TRPC3: variants seen among roughly 807,000 people sequenced by gnomAD.
The protein encoded by TRPC3 is short transient receptor potential channel 3.
Under a neutral mutation model 90.9 loss-of-function variants are expected in TRPC3, and 54 were observed. The ratio of observed to expected loss-of-function variants is 0.59; its 90% CI spans 0.48 to 0.75. The LOEUF is 0.75. Among genes scored for constraint, TRPC3 ranks in the 30% least tolerant of loss-of-function variants. The pLI, the probability that TRPC3 is intolerant of heterozygous loss-of-function variation, is 0.00. For missense variants in TRPC3, 918 were observed against 1,194.5 expected (o/e 0.77, Z 3.41); for synonymous variants, 424 against 450.9 (o/e 0.94, Z 0.75).
intron 11 of TRPC3, among the ~76,000 whole-genome samples, chr4:121,881,428 A>G (rs1483096110): frequency 2.0e-5 from 3 of 151,908 alleles, no homozygotes; most frequent in Non-Finnish European, 2.9e-5. Context: ...ACAACTCATC[A>G]GACTTCTGCT....
intron 2 of TRPC3, among the ~76,000 whole-genome samples, chr4:121,931,454 G>A (rs1729920939): frequency 2.0e-5 from 3 of 151,978 alleles, no homozygotes; most frequent in Non-Finnish European, 4.4e-5. Context: ...GGAGGAGGTA[G>A]CAACTGATTA....
At chr4:121,882,121 A>G (rs1727964842) in intron 11 of TRPC3, among the ~76,000 whole-genome samples, 1 of 152,166 alleles carries the variant, frequency 6.6e-6, no homozygotes, top group Non-Finnish European at 1.5e-5. Flanking sequence ...TTTACATTCT[A>G]AGAATCAGTT....
intron 2 of TRPC3, among the ~76,000 whole-genome samples, chr4:121,926,602 T>C (rs995626118): frequency 2.6e-5 from 4 of 152,104 alleles, no homozygotes; most frequent in Non-Finnish European, 5.9e-5. Flanking sequence ...AGATGGGGTT[T>C]CACCATATTG....
Position 121,874,829 on chromosome 4 carries a change from T to C in TRPC3, c.*4907A>G, listed in dbSNP as rs1248507393. Among the ~76,000 whole-genome samples, 1 of 152,022 alleles carries C rather than the reference T, an allele frequency of 6.6e-6. No individual in the cohort carries two copies. The highest frequency in any genetic ancestry group is 1.5e-5 in the Non-Finnish European group (1 of 67,998). On this transcript the variant is annotated 3_prime_UTR_variant, in exon 12 of 12. Transcript: ENST00000379645. ...AGAAGGAAACTGATCTCAAAAGGAA[T>C]AGAAGAAACCACAAAGGAAAAAAGC...
At chr4:121,948,364 G>GT (rs79971079) in intron 1 of TRPC3, among the ~76,000 whole-genome samples, 59 of 70,654 alleles carry the variant, frequency 8.4e-4, no homozygotes, top group South Asian at 4.8e-3. Flanking sequence ...ATTCTAGCTG[G>GT]TTTTTTTTTT....
chr4:121,917,803 G>C (rs1356513255), intron 3 of TRPC3, among the ~76,000 whole-genome samples: 1 of 152,130 alleles, frequency 6.6e-6, no homozygotes, highest in Non-Finnish European at 1.5e-5. Context: ...GTGCATTCAG[G>C]GTAAACTACA....
At chr4:121,905,780 G>A (rs1728859935) in intron 7 of TRPC3, among the ~76,000 whole-genome samples, 1 of 151,988 alleles carries the variant, frequency 6.6e-6, no homozygotes, top group South Asian at 2.1e-4. Flanking sequence ...CACCTATTAT[G>A]TTCCAGAAAT....
rs141053854 is a variant in TRPC3 at position 121,903,130 on chromosome 4, G to GT, written c.2254-70dup. The GT allele has an allele frequency of 2.3e-3, 3,152 of 1,392,920 alleles. 57 individuals carry two copies. The African/African-American group carries it at 0.041, about 18-fold the overall frequency. The allele number at this position is 1,392,920 out of a possible 1,614,324, so 86.3% of individuals were successfully genotyped here. A position where few individuals can be genotyped will look rare whatever the true frequency, so the allele number is the denominator to read the frequency against. ...ATATTCTAGTGACTGTTGCTAATAG[G>GT]TTTTTTACAATGAATCTAAGTTACG... On this transcript the variant is annotated intron_variant, in intron 8 of 11. Coordinates refer to ENST00000379645, the MANE Select transcript of TRPC3 (RefSeq NM_001130698.2).
Position 121,899,638 on chromosome 4 carries a change from T to C in TRPC3, c.2521A>G (p.Ile841Val), listed in dbSNP as rs1728636984. The change falls in exon 10 of 12, where the codon ATT becomes GTT. Residue 841 changes from isoleucine to valine, a missense_variant. By Grantham distance (29) the Ile-to-Val change is conservative (BLOSUM62 3). This residue lies in a region of TRPC3 where 121 missense variants were observed against 135.7 expected (regional missense o/e 0.89). Transcript: ENST00000379645. ...TGATAACGTGTTGGCTGATTGAGAATGCTGTTAAAACTGTGTGATTCAAAA... is the reference window on the plus strand; with the variant it reads ...TGATAACGTGTTGGCTGATTGAGAACGCTGTTAAAACTGTGTGATTCAAAA... ...RVFESHSFNS[I>V]LNQPTRYQQI... 6.2e-7 allele frequency: 1 copy of C among 1,613,638 alleles called. No homozygotes were observed. Among genetic ancestry groups the C allele is most frequent in the East Asian group, 2.2e-5 (1 of 44,782 alleles).
At position 121,932,356 on chromosome 4, in the gene TRPC3, G is replaced by A; in HGVS notation, c.902C>T (p.Ser301Leu). The change falls in exon 2 of 12, where the codon TCA becomes TTA. Residue 301 changes from serine to leucine, a missense_variant. Physicochemically the swap from Ser to Leu is moderately radical, Grantham distance 145 (BLOSUM62 -2). Around this residue, in one of 4 missense-constraint regions of TRPC3, gnomAD observed 609 missense variants for 725.9 expected, o/e 0.84. Transcript: ENST00000379645. This position sits in a 1 kb window ranked among gnomAD's most constrained non-coding sequence, Gnocchi z 7.7. ...AAGCACCGGGTCCTCGCTGGACAAT[G>A]AGAGGTAAGCCGGGCTGGCCAGCCC... ...YKGLASPAYL[S>L]LSSEDPVLTA... The A allele has an allele frequency of 6.2e-7, 1 of 1,614,172 alleles. No individual in the cohort carries two copies. The highest frequency in any genetic ancestry group is 8.5e-7 in the Non-Finnish European group (1 of 1,180,018).
chr4:121,891,993 T>G (rs942247633), intron 10 of TRPC3, among the ~76,000 whole-genome samples: 2 of 152,142 alleles, frequency 1.3e-5, no homozygotes, highest in Non-Finnish European at 2.9e-5. Context: ...TCAGTTTAAT[T>G]CATAGCCCCC....
chr4:121,897,085 C>T (rs1560690948), intron 10 of TRPC3, among the ~76,000 whole-genome samples: 2 of 152,044 alleles, frequency 1.3e-5, no homozygotes, highest in East Asian at 1.9e-4. Flanking sequence ...ACTGGATATC[C>T]ATATGCAGAA....
At chr4:121,919,687 G>T (rs1322367266) in intron 3 of TRPC3, among the ~76,000 whole-genome samples, 2 of 152,150 alleles carry the variant, frequency 1.3e-5, no homozygotes, top group Non-Finnish European at 2.9e-5. Flanking sequence ...GATACACAAT[G>T]GATGCTTTTA....
chr4:121,950,016 G>A (rs1237945209), intron 1 of TRPC3, among the ~76,000 whole-genome samples: 6 of 152,162 alleles, frequency 3.9e-5, no homozygotes, highest in African/African-American at 1.4e-4. Flanking sequence ...TTGGCAAAAG[G>A]AAAAATGGAC....
At position 121,879,821 on chromosome 4, in the gene TRPC3, T is replaced by C; in HGVS notation, c.2681A>G (p.Asp894Gly). 6.2e-7 allele frequency: 1 copy of C among 1,608,608 alleles called. No homozygotes were observed. Among genetic ancestry groups the C allele is most frequent in the Non-Finnish European group, 8.5e-7 (1 of 1,178,288 alleles). ...ISSLRYELLE[D>G]KSQATEELAI... ...TAATTCCTCAGTTGCTTGGCTCTTGTCTTCCAAAAGTTCATAACGAAGGCT... is the reference window on the plus strand; with the variant it reads ...TAATTCCTCAGTTGCTTGGCTCTTGCCTTCCAAAAGTTCATAACGAAGGCT... Residue 894 changes from aspartate (D) to glycine (G), a missense_variant, in exon 12 of 12, where the codon GAC becomes GGC. Physicochemically the swap from Asp to Gly is moderately conservative, Grantham distance 94. This residue lies in a region of TRPC3 where 41 missense variants were observed against 69.4 expected (regional missense o/e 0.59). Coordinates refer to ENST00000379645, the MANE Select transcript of TRPC3 (RefSeq NM_001130698.2).
chr4:121,924,941 A>C (rs1218532870), intron 3 of TRPC3, 77 bp downstream of exon 3: 28 of 1,451,540 alleles, frequency 1.9e-5, no homozygotes, highest in Non-Finnish European at 2.2e-5. Context: ...TATTTTAATA[A>C]TTTTCCTAGG....
intron 9 of TRPC3, among the ~76,000 whole-genome samples, chr4:121,902,106 G>A (rs958727828): frequency 2.0e-5 from 3 of 152,002 alleles, no homozygotes; most frequent in Non-Finnish European, 2.9e-5. Flanking sequence ...TTGATATCTC[G>A]TGGGCTTTTA....
intron 1 of TRPC3, among the ~76,000 whole-genome samples, chr4:121,948,450 C>T (rs1342153276): frequency 6.6e-6 from 1 of 151,790 alleles, no homozygotes; most frequent in Non-Finnish European, 1.5e-5. Context: ...TGGACAGTTA[C>T]AGTCATCTCC....
intron 10 of TRPC3, among the ~76,000 whole-genome samples, chr4:121,898,265 G>A (rs1384994357): frequency 2.0e-5 from 3 of 152,124 alleles, no homozygotes; most frequent in Non-Finnish European, 2.9e-5. Flanking sequence ...TCCCCAACCC[G>A]CAGATGAAGG....
Sources: gnomAD v4.1 joint callset for allele counts (sites outside exome capture counted in the v4.1 genomes callset) on GRCh38, gnomAD v4.1.1 for gene constraint, gnomAD v4.1.1 regional missense constraint, Gnocchi (gnomAD v3.1) non-coding constraint, MANE v1.5 for transcripts, NCBI Gene and HGNC (gene_info 2026-07-23, HGNC 2026-07-21) for gene names.